Variants in SLAMF1 observed in about 807,000 individuals in gnomAD.
The protein encoded by SLAMF1 is signaling lymphocytic activation molecule.
Under a neutral mutation model 35.1 loss-of-function variants are expected in SLAMF1, and 18 were observed. That is an observed-to-expected ratio of 0.51 (90% confidence interval 0.35 to 0.76). The LOEUF is 0.76. Ranked by LOEUF, SLAMF1 falls within the 30% of genes least tolerant of loss-of-function variation. SLAMF1 has a pLI of 0.01. For synonymous variants in SLAMF1, 168 were observed against 157.2 expected (o/e 1.07, Z -0.51); for missense variants, 392 against 413.0 (o/e 0.95, Z 0.44).
intron 3 of SLAMF1, 45 bp downstream of exon 3, chr1:160,634,568 C>T (rs778301896): frequency 1.6e-5 from 25 of 1,535,458 alleles, no homozygotes; most frequent in Non-Finnish European, 8.8e-7. Flanking sequence ...AAGACTGAGC[C>T]CATGCTCATT....
At chr1:160,611,355 T>TA (rs1410821822) in intron 6 of SLAMF1, among the ~76,000 whole-genome samples, 1 of 152,246 alleles carries the variant, frequency 6.6e-6, no homozygotes, top group Non-Finnish European at 1.5e-5. Context: ...TAAACTTCAT[T>TA]AAAAATCTAT....
At chr1:160,619,512 A>G (rs1235844529) in intron 5 of SLAMF1, among the ~76,000 whole-genome samples, 1 of 152,214 alleles carries the variant, frequency 6.6e-6, no homozygotes, top group Non-Finnish European at 1.5e-5. Context: ...ACAATGCCAG[A>G]GCTGGAAAGA....
chr1:160,640,354 A>ATATATC (rs1660680295), intron 1 of SLAMF1, among the ~76,000 whole-genome samples: 1 of 141,602 alleles, frequency 7.1e-6, no homozygotes, highest in Non-Finnish European at 1.5e-5. Context: ...ATATATATAT[A>ATATATC]TATATACACA....
At chr1:160,632,669 GC>G (rs1249141932) in intron 3 of SLAMF1, among the ~76,000 whole-genome samples, 2 of 152,092 alleles carry the variant, frequency 1.3e-5, no homozygotes, top group African/African-American at 2.4e-5. Context: ...AATATTCAGT[GC>G]CCTGTTTTTG....
chr1:160,618,389 T>C (rs868778304), intron 5 of SLAMF1, among the ~76,000 whole-genome samples: 10 of 150,436 alleles, frequency 6.6e-5, no homozygotes, highest in Admixed American at 2.6e-4. Context: ...CATGAGTGTG[T>C]GTATGTGAGA....
intron 4 of SLAMF1, among the ~76,000 whole-genome samples, chr1:160,620,942 T>G (rs74470525): frequency 1.3e-5 from 2 of 152,228 alleles, no homozygotes; most frequent in Non-Finnish European, 2.9e-5. Flanking sequence ...CAATGCAGTT[T>G]TGGATATTTG....
intron 3 of SLAMF1, among the ~76,000 whole-genome samples, chr1:160,626,713 C>T (rs1035589509): frequency 6.6e-5 from 10 of 152,170 alleles, no homozygotes; most frequent in South Asian, 4.2e-4. Flanking sequence ...TCTGGAGATG[C>T]GGTCCCCATA....
At chr1:160,612,034 C>T (rs564345661) in intron 6 of SLAMF1, among the ~76,000 whole-genome samples, 7 of 152,106 alleles carry the variant, frequency 4.6e-5, no homozygotes, top group East Asian at 1.9e-4. Context: ...TTAACAAGTA[C>T]GCTGGCTGAT....
At chr1:160,620,341 G>C (rs11577435) in intron 4 of SLAMF1, among the ~76,000 whole-genome samples, 2,446 of 152,136 alleles carry the variant, frequency 0.016, 25 homozygotes, top group African/African-American at 0.027. Context: ...CCTATTTCTG[G>C]GGGAATTGAT....
Position 160,611,251 on chromosome 1 carries a change from C to T in SLAMF1, c.958-453G>A, listed in dbSNP as rs184098535. Among the ~76,000 whole-genome samples the T allele has an allele frequency of 2.9e-3, 437 of 152,194 alleles. 2 individuals are homozygous for T. Among genetic ancestry groups the T allele is most frequent in the Admixed American group, 6.2e-3 (94 of 15,284 alleles). On this transcript the variant is annotated intron_variant, in intron 6 of 6. Coordinates refer to ENST00000302035, the MANE Select transcript of SLAMF1 (RefSeq NM_003037.5). ...AGAGGAAGGGGAGAAGAGGGTTATGCGCAAAGATCTCTCATGTCAAAGAAA... is the reference window on the plus strand; with the variant it reads ...AGAGGAAGGGGAGAAGAGGGTTATGTGCAAAGATCTCTCATGTCAAAGAAA...
At chr1:160,643,571 G>A (rs571611276) in intron 1 of SLAMF1, among the ~76,000 whole-genome samples, 29 of 152,230 alleles carry the variant, frequency 1.9e-4, no homozygotes, top group African/African-American at 5.1e-4. Flanking sequence ...CTGAAAAGTC[G>A]AGAGAAGTTT....
chr1:160,623,853 A>T (rs1230497783), intron 4 of SLAMF1, among the ~76,000 whole-genome samples: 1 of 152,182 alleles, frequency 6.6e-6, no homozygotes, highest in African/African-American at 2.4e-5. Context: ...TTATCTGAAT[A>T]ATGTCTCTCA....
intron 3 of SLAMF1, among the ~76,000 whole-genome samples, chr1:160,625,824 A>AGTGTGTGTGT (rs3223445): frequency 1.4e-5 from 2 of 145,280 alleles, no homozygotes; most frequent in East Asian, 4.1e-4. Context: ...TCTGTGCAGG[A>AGTGTGTGTGT]GTGTGTGTGT....
chr1:160,628,995 A>G (rs115281410), intron 3 of SLAMF1, among the ~76,000 whole-genome samples: 1,754 of 152,286 alleles, frequency 0.012, 13 homozygotes, highest in East Asian at 0.026. Context: ...GAGAAATCAA[A>G]GTTGTCTTGG....
chr1:160,641,232 A>T (rs1660727683), intron 1 of SLAMF1, among the ~76,000 whole-genome samples: 1 of 152,180 alleles, frequency 6.6e-6, no homozygotes, highest in African/African-American at 2.4e-5. Flanking sequence ...AAACAAGATT[A>T]AAAATTGCTA....
At position 160,629,305 on chromosome 1, in the gene SLAMF1, C is replaced by G. The variant is rs568592318; in HGVS notation, c.701-5120G>C. Among the ~76,000 whole-genome samples the G allele has an allele frequency of 1.5e-4, 23 of 149,444 alleles. No homozygotes were observed. In the South Asian group the frequency reaches 4.6e-3, roughly 30 times the overall value. ...TTGTCACAGAAACACAGAAGCGTGT[C>G]TCTCTCTCTCTCTCTCTTCTCAAGT... On this transcript the variant is annotated intron_variant, in intron 3 of 6. Coordinates refer to ENST00000302035, the MANE Select transcript of SLAMF1 (RefSeq NM_003037.5).
chr1:160,632,192 G>A (rs1660199082), intron 3 of SLAMF1, among the ~76,000 whole-genome samples: 2 of 152,128 alleles, frequency 1.3e-5, no homozygotes, highest in South Asian at 4.1e-4. Flanking sequence ...CTCATACACA[G>A]TGGCAAGCCT....
At chr1:160,635,571 C>CG (rs1660404656) in intron 2 of SLAMF1, among the ~76,000 whole-genome samples, 1 of 136,904 alleles carries the variant, frequency 7.3e-6, no homozygotes. Context: ...CATTCATCAT[C>CG]TTTTTTTTTT....
intron 1 of SLAMF1, among the ~76,000 whole-genome samples, chr1:160,640,349 TATATATATATAC>T (rs1339895654): frequency 3.2e-5 from 4 of 126,878 alleles, no homozygotes; most frequent in African/African-American, 1.2e-4. Flanking sequence ...TATATATATA[TATATATATATAC>T]ACACACACAC....
Sources: gnomAD v4.1 joint callset for allele counts (sites outside exome capture counted in the v4.1 genomes callset) on GRCh38, gnomAD v4.1.1 for gene constraint, MANE v1.5 for transcripts, NCBI Gene and HGNC (gene_info 2026-07-23, HGNC 2026-07-21) for gene names.